KIRREL3: variants seen among roughly 807,000 people sequenced by gnomAD.
The protein encoded by KIRREL3 is kirre like nephrin family adhesion molecule 3.
A neutral mutation model predicts 89.7 loss-of-function variants in KIRREL3; 36 were observed. That is an observed-to-expected ratio of 0.40 (90% confidence interval 0.31 to 0.53). The LOEUF (loss-of-function observed/expected upper bound fraction) is 0.53, where lower values mean the gene tolerates loss of function less well. Among genes scored for constraint, KIRREL3 ranks in the 20% least tolerant of loss-of-function variants. The pLI, the probability that KIRREL3 is intolerant of heterozygous loss-of-function variation, is 0.49. For synonymous variants in KIRREL3, 445 were observed against 441.4 expected (o/e 1.01, Z -0.10); for missense variants, 864 against 1,056.6 (o/e 0.82, Z 2.53).
At chr11:126,718,135 G>T (rs531571430) in intron 1 of KIRREL3, among the ~76,000 whole-genome samples, 2 of 152,166 alleles carry the variant, frequency 1.3e-5, no homozygotes, top group Non-Finnish European at 2.9e-5. Flanking sequence ...AGGAGGGCTT[G>T]CATCCCAGCT....
At chr11:126,586,553 T>C (rs1002701967) in intron 1 of KIRREL3, among the ~76,000 whole-genome samples, 19 of 152,010 alleles carry the variant, frequency 1.2e-4, no homozygotes, top group Admixed American at 9.2e-4. Flanking sequence ...TTCCATTTTA[T>C]AAACCCGAGG....
intron 1 of KIRREL3, among the ~76,000 whole-genome samples, chr11:126,792,017 C>T (rs1012403301): frequency 8.5e-5 from 13 of 152,302 alleles, no homozygotes; most frequent in South Asian, 2.1e-4. Flanking sequence ...GTGCCTCTGC[C>T]GACCTTCCCA....
In KIRREL3 at chr11:126,906,218, C is replaced by T. The variant is rs776251720; in HGVS notation, c.55+94237G>A. Among the ~76,000 whole-genome samples the T allele has an allele frequency of 9.2e-5, 14 of 152,152 alleles. No homozygotes were observed. The highest frequency in any genetic ancestry group is 3.1e-4 in the African/African-American group (13 of 41,444). On this transcript the variant is annotated intron_variant, in intron 1 of 16. Transcript: ENST00000525144. The surrounding 1 kb of genome is among the most constrained non-coding windows in gnomAD (Gnocchi z 4.1). Reference sequence around the variant, plus strand: ...AGACTTTCTGACAGCTCCCTTTCTGCGGGCTGACTGCTCAAGAAGCAAGAT... The same window carrying T: ...AGACTTTCTGACAGCTCCCTTTCTGTGGGCTGACTGCTCAAGAAGCAAGAT...
chr11:126,799,154 G>A (rs548004365), intron 1 of KIRREL3, among the ~76,000 whole-genome samples: 11 of 119,574 alleles, frequency 9.2e-5, no homozygotes, highest in South Asian at 8.6e-4. Flanking sequence ...GTGCATGTGC[G>A]TATCTGTATG....
Position 126,477,007 on chromosome 11 carries a change from CTTG to C in KIRREL3, c.434-3544_434-3542del, listed in dbSNP as rs1464444432. The stretch of plus-strand genomic sequence containing the variant: ...AATAGTTGACTGTTTTGGTGTTGTG[CTTG>C]TTGTCAGTCAGGAAAAAAATGGCAT... On this transcript the variant is annotated intron_variant, in intron 4 of 16. Transcript: ENST00000525144. This position sits in a 1 kb window ranked among gnomAD's most constrained non-coding sequence, Gnocchi z 4.8. 6.6e-6 allele frequency among the ~76,000 whole-genome samples: 1 copy of C among 152,206 alleles called. No individual in the cohort carries two copies. The highest frequency in any genetic ancestry group is 1.9e-4 in the East Asian group (1 of 5,200).
At chr11:126,699,458 A>G (rs1591982182) in intron 1 of KIRREL3, among the ~76,000 whole-genome samples, 1 of 152,242 alleles carries the variant, frequency 6.6e-6, no homozygotes, top group African/African-American at 2.4e-5. Flanking sequence ...TGCAGCTGCA[A>G]TTTTAAATTT....
At chr11:126,857,703 C>G (rs961197422) in intron 1 of KIRREL3, among the ~76,000 whole-genome samples, 3 of 149,216 alleles carry the variant, frequency 2.0e-5, no homozygotes, top group Admixed American at 6.8e-5. Flanking sequence ...CAGAGTCAAC[C>G]GTTTTTCTAT....
intron 1 of KIRREL3, among the ~76,000 whole-genome samples, chr11:126,717,816 G>A (rs1481205455): frequency 1.3e-5 from 2 of 152,194 alleles, no homozygotes; most frequent in East Asian, 3.8e-4. Flanking sequence ...CTGCGCTGAT[G>A]TGTGGCATAT....
chr11:127,003,160 C>G (rs1950345037), upstream of KIRREL3: 1 of 152,338 alleles, frequency 6.6e-6, no homozygotes. Context: ...AGCTGCCCGC[C>G]TCTAAAAGGA....
In KIRREL3 at chr11:126,531,067, A is replaced by T. The variant is rs1958928811; in HGVS notation, c.134-4380T>A. 6.6e-6 allele frequency among the ~76,000 whole-genome samples: 1 copy of T among 152,080 alleles called. No individual in the cohort carries two copies. The highest frequency in any genetic ancestry group is 2.1e-4 in the South Asian group (1 of 4,816). On this transcript the variant is annotated intron_variant, in intron 2 of 16. Transcript: ENST00000525144. The surrounding 1 kb of genome is among the most constrained non-coding windows in gnomAD (Gnocchi z 4.7). The stretch of plus-strand genomic sequence containing the variant: ...CTGGTCTCGAACTCCTGACCTCATG[A>T]TCCACCTGCCTCGACCTCCCAAAGT...
At chr11:127,000,958 G>C, upstream of KIRREL3, 1 of 310,864 alleles carries the variant, frequency 3.2e-6, no homozygotes, top group Non-Finnish European at 5.8e-6. The surrounding 1 kb of genome is among the most constrained non-coding windows in gnomAD (Gnocchi z 7.1). Flanking sequence ...CGGACAGTGG[G>C]GGAAAAGGCT....
intron 1 of KIRREL3, among the ~76,000 whole-genome samples, chr11:126,679,877 G>T (rs1252937584): frequency 6.6e-6 from 1 of 152,288 alleles, no homozygotes; most frequent in East Asian, 1.9e-4. Flanking sequence ...AAGGGAAAAG[G>T]TCCCAGAGAG....
At position 126,970,467 on chromosome 11, in the gene KIRREL3, C is replaced by T; in HGVS notation, c.55+29988G>A. Among the ~76,000 whole-genome samples the T allele has an allele frequency of 6.6e-6, 1 of 152,122 alleles. No individual in the cohort carries two copies. The highest frequency in any genetic ancestry group is 2.1e-4 in the South Asian group (1 of 4,824). Reference sequence around the variant, plus strand: ...TGTAGCGACATTAGACAAAAAGTAACCAGTACCATCAATCTTTAAAACCCC... The same window carrying T: ...TGTAGCGACATTAGACAAAAAGTAATCAGTACCATCAATCTTTAAAACCCC... On this transcript the variant is annotated intron_variant, in intron 1 of 16. Transcript: ENST00000525144. This position sits in a 1 kb window ranked among gnomAD's most constrained non-coding sequence, Gnocchi z 4.4.
rs933717930 is a variant in KIRREL3, at chr11:126,791,085, G to T, written c.55+209370C>A. ...GGAAAAAATGAGTGATCCTTGAAAT[G>T]GTCTTTTTCTACCGTTAGGACAGGA... On this transcript the variant is annotated intron_variant, in intron 1 of 16. Coordinates refer to ENST00000525144, the MANE Select transcript of KIRREL3 (RefSeq NM_032531.4). The surrounding 1 kb of genome is among the most constrained non-coding windows in gnomAD (Gnocchi z 4.8). 2.6e-5 allele frequency among the ~76,000 whole-genome samples: 4 copies of T among 152,150 alleles called. No homozygotes were observed. Among genetic ancestry groups the T allele is most frequent in the Non-Finnish European group, 4.4e-5 (3 of 68,016 alleles).
chr11:126,996,334 TGTAA>T lies in KIRREL3; in HGVS notation c.55+4117_55+4120del, dbSNP rs764143533. 7.2e-5 allele frequency among the ~76,000 whole-genome samples: 11 copies of T among 152,246 alleles called. No homozygotes were observed. Among genetic ancestry groups the T allele is most frequent in the Non-Finnish European group, 1.3e-4 (9 of 68,006 alleles). ...TTGTTTTATGACATTTCTGAGTGAGTGTAAGTGTTTCCAAAGTTGCTGTTCACTC... is the reference window on the plus strand; with the variant it reads ...TTGTTTTATGACATTTCTGAGTGAGTGTGTTTCCAAAGTTGCTGTTCACTC... On this transcript the variant is annotated intron_variant, in intron 1 of 16. Coordinates refer to ENST00000525144, the MANE Select transcript of KIRREL3 (RefSeq NM_032531.4). This position sits in a 1 kb window ranked among gnomAD's most constrained non-coding sequence, Gnocchi z 4.7.
In KIRREL3 at chr11:126,484,461, C is replaced by T. The variant is rs915845273; in HGVS notation, c.434-10995G>A. On this transcript the variant is annotated intron_variant, in intron 4 of 16. Coordinates refer to ENST00000525144, the MANE Select transcript of KIRREL3 (RefSeq NM_032531.4). This position sits in a 1 kb window ranked among gnomAD's most constrained non-coding sequence, Gnocchi z 5.2. ...ATATAAGGTAGATACAATGACGATG[C>T]ATATTTTGGAGGTGAGGAAACAGCC... 6.6e-6 allele frequency among the ~76,000 whole-genome samples: 1 copy of T among 152,196 alleles called. No homozygotes were observed. The highest frequency in any genetic ancestry group is 2.4e-5 in the African/African-American group (1 of 41,436).
At position 126,571,270 on chromosome 11, in the gene KIRREL3, A is replaced by G. The variant is rs775506489; in HGVS notation, c.56-8358T>C. 5.9e-5 allele frequency among the ~76,000 whole-genome samples: 9 copies of G among 152,152 alleles called. No homozygotes were observed. Among genetic ancestry groups the G allele is most frequent in the Non-Finnish European group, 1.2e-4 (8 of 68,026 alleles). ...AGACACTGCCTGGGATCTTTCTCCC[A>G]ACTGATGAATTGCCTGGAATTCTGA... On this transcript the variant is annotated intron_variant, in intron 1 of 16. Coordinates refer to ENST00000525144, the MANE Select transcript of KIRREL3 (RefSeq NM_032531.4). This position sits in a 1 kb window ranked among gnomAD's most constrained non-coding sequence, Gnocchi z 7.7.
At chr11:126,660,308 G>C (rs1235093511) in intron 1 of KIRREL3, among the ~76,000 whole-genome samples, 1 of 152,166 alleles carries the variant, frequency 6.6e-6, no homozygotes, top group Non-Finnish European at 1.5e-5. Flanking sequence ...ACTTCCAAAT[G>C]ATGATACCTC....
At chr11:126,888,295 G>A (rs1193911421) in intron 1 of KIRREL3, among the ~76,000 whole-genome samples, 1 of 152,156 alleles carries the variant, frequency 6.6e-6, no homozygotes, top group Non-Finnish European at 1.5e-5. Context: ...GCCTAGAGGA[G>A]TCTTTGAAGT....
Sources: allele counts gnomAD v4.1 joint callset (sites outside exome capture counted in the v4.1 genomes callset), GRCh38; gene constraint gnomAD v4.1.1; non-coding constraint Gnocchi (gnomAD v3.1); transcripts MANE v1.5; gene names NCBI Gene and HGNC (gene_info 2026-07-23, HGNC 2026-07-21).